NLRC5: variants seen among roughly 807,000 people sequenced by gnomAD.
The protein encoded by NLRC5 is NLR family CARD domain containing 5, also known as protein NLRC5.
Under a neutral mutation model 206.9 loss-of-function variants are expected in NLRC5, and 114 were observed. That is an observed-to-expected ratio of 0.55 (90% CI 0.47 to 0.64). NLRC5 has a LOEUF of 0.64. NLRC5 is among the 30% of genes least tolerant of loss of function. The probability of loss-of-function intolerance (pLI) is 0.00; values close to 1 mark genes in which losing one functional copy is unlikely to be tolerated. For synonymous variants in NLRC5, 952 were observed against 962.8 expected (o/e 0.99, Z 0.21); for missense variants, 2,008 against 2,305.5 (o/e 0.87, Z 2.64).
chr16:57,049,627 T>C (rs969777288), intron 23 of NLRC5, among the ~76,000 whole-genome samples: 4 of 151,854 alleles, frequency 2.6e-5, no homozygotes, highest in Non-Finnish European at 5.9e-5. Flanking sequence ...TCCCAGCTAC[T>C]CTGGAGGCAG....
chr16:56,996,483 A>C (rs1176800588), intron 1 of NLRC5, among the ~76,000 whole-genome samples: 1 of 151,806 alleles, frequency 6.6e-6, no homozygotes, highest in Admixed American at 6.6e-5. Flanking sequence ...TCCATGCCCC[A>C]CCCTTGAGTT....
At position 57,034,219 on chromosome 16, in the gene NLRC5, G is replaced by C; in HGVS notation, c.2595G>C (p.Leu865=). Reference sequence around the variant, plus strand: ...ACGATGCGGAGGCCCTCATAGCCCTGCTCCAGGAAGGCCCTCACCTGGAGG... The same window carrying C: ...ACGATGCGGAGGCCCTCATAGCCCTCCTCCAGGAAGGCCCTCACCTGGAGG... The part of the protein sequence containing the change: ...QVHDAEALIA[L]LQEGPHLEEV... The change falls in exon 13 of 49, where the codon CTG becomes CTC. Residue 865 remains leucine (L), a synonymous_variant. Coordinates refer to ENST00000688547, the MANE Select transcript of NLRC5 (RefSeq NM_001384950.1). 1.2e-6 allele frequency: 2 copies of C among 1,614,074 alleles called. No homozygotes were observed. Among genetic ancestry groups the C allele is most frequent in the Non-Finnish European group, 1.7e-6 (2 of 1,179,974 alleles).
intron 18 of NLRC5, 88 bp downstream of exon 18, chr16:57,041,662 G>T: frequency 9.4e-7 from 1 of 1,063,654 alleles, no homozygotes; most frequent in Non-Finnish European, 1.4e-6. Flanking sequence ...TTAAGATTTA[G>T]ATCAACTGTT....
intron 1 of NLRC5, among the ~76,000 whole-genome samples, chr16:57,009,954 G>T (rs1188365758): frequency 6.6e-6 from 1 of 152,194 alleles, no homozygotes; most frequent in Admixed American, 6.5e-5. Flanking sequence ...CAGGGAGGAG[G>T]CTGGTGCAGG....
chr16:57,059,569 G>A (rs745675195), intron 30 of NLRC5, 37 bp downstream of exon 30: 3 of 1,560,942 alleles, frequency 1.9e-6, no homozygotes, highest in Admixed American at 1.8e-5. Context: ...GGGACAGAGA[G>A]GGGAGAGGAG....
chr16:57,013,798 C>G, intron 1 of NLRC5: 1 of 702,126 alleles, frequency 1.4e-6, no homozygotes, highest in Non-Finnish European at 2.6e-6. Flanking sequence ...CACCCAGAAG[C>G]GCAACTGAAC....
intron 24 of NLRC5, 79 bp downstream of exon 24, chr16:57,051,700 C>T: frequency 9.3e-7 from 1 of 1,070,276 alleles, no homozygotes; most frequent in South Asian, 1.3e-5. Context: ...GCTGTACCTG[C>T]CCTCTAACCC....
rs373807803 is a variant in NLRC5, at chr16:57,063,831, T to C, written c.4155-1381T>C. On this transcript the variant is annotated intron_variant, in intron 32 of 48. Transcript: ENST00000688547. ...TCGGCTCACTGCAAGCTCCGCCTCC[T>C]GGGTTCACGCCATTCTCCTGCCTCA... Among the ~76,000 whole-genome samples, 203 of 152,204 alleles carry C rather than the reference T, an allele frequency of 1.3e-3. 3 individuals are homozygous for C. In the East Asian group the frequency reaches 0.036, roughly 27 times the overall value.
chr16:57,002,002 T>C (rs2142320545), intron 1 of NLRC5, among the ~76,000 whole-genome samples: 1 of 152,256 alleles, frequency 6.6e-6, no homozygotes. Context: ...GAACAAGTGA[T>C]GTGTGTCTTT....
intron 43 of NLRC5, among the ~76,000 whole-genome samples, chr16:57,078,499 T>G (rs1597465083): frequency 1.5e-5 from 2 of 130,820 alleles, no homozygotes. Context: ...TTAGATGGAG[T>G]CTCTCTCTGT....
At chr16:57,001,977 C>G (rs1313203753) in intron 1 of NLRC5, among the ~76,000 whole-genome samples, 6 of 150,716 alleles carry the variant, frequency 4.0e-5, no homozygotes, top group African/African-American at 1.5e-4. Context: ...ATTTTTAGAT[C>G]CCACAAATAA....
chr16:57,075,300 A>ACCTC (rs34032053), intron 39 of NLRC5, among the ~76,000 whole-genome samples: 35,772 of 151,370 alleles, frequency 0.24, 5,528 homozygotes, highest in African/African-American at 0.45. Context: ...GCTCACTGCA[A>ACCTC]CCTCCGCCTC....
chr16:57,000,380 T>C (rs994459853), intron 1 of NLRC5, among the ~76,000 whole-genome samples: 5 of 152,028 alleles, frequency 3.3e-5, no homozygotes, highest in Non-Finnish European at 5.9e-5. Context: ...GTTTAAAGAC[T>C]AGTGATGTGG....
At chr16:56,994,861 G>T (rs756086159) in intron 1 of NLRC5, among the ~76,000 whole-genome samples, 4 of 152,140 alleles carry the variant, frequency 2.6e-5, no homozygotes, top group Non-Finnish European at 5.9e-5. Context: ...TGCAATTTTT[G>T]CAATTTTGTT....
chr16:57,039,742 A>G (rs1419612274), intron 15 of NLRC5, 39 bp from the exon 16 acceptor site: 1 of 1,579,504 alleles, frequency 6.3e-7, no homozygotes, highest in African/African-American at 1.4e-5. Flanking sequence ...CAGGGAGCCA[A>G]TAACCTCTCG....
chr16:57,039,877 T>C, intron 16 of NLRC5, 28 bp downstream of exon 16: 3 of 1,593,898 alleles, frequency 1.9e-6, no homozygotes, highest in Non-Finnish European at 2.6e-6. Flanking sequence ...CCCAACTCCA[T>C]GCTCAGTCAG....
At chr16:57,072,636 T>A (rs1326935783) in intron 38 of NLRC5, among the ~76,000 whole-genome samples, 2 of 130,858 alleles carry the variant, frequency 1.5e-5, no homozygotes, top group African/African-American at 2.4e-5. Context: ...CAGATTCCTG[T>A]TTAGACAGTA....
intron 22 of NLRC5, among the ~76,000 whole-genome samples, chr16:57,046,853 G>A (rs564716052): frequency 3.9e-5 from 6 of 152,332 alleles, no homozygotes; most frequent in East Asian, 1.9e-4. Flanking sequence ...CCCATGCCCC[G>A]CATTCTCCTT....
chr16:56,991,187 G>A (rs2056782907), intron 1 of NLRC5: 1 of 152,112 alleles, frequency 6.6e-6, no homozygotes, highest in Non-Finnish European at 1.5e-5. Flanking sequence ...GATCCTTGAA[G>A]AAGACAGACA....
Sources: allele counts gnomAD v4.1 joint callset (sites outside exome capture counted in the v4.1 genomes callset), GRCh38; gene constraint gnomAD v4.1.1; transcripts MANE v1.5; gene names NCBI Gene and HGNC (gene_info 2026-07-23, HGNC 2026-07-21).